Variants in EED observed in about 807,000 individuals in gnomAD.
EED encodes polycomb protein EED.
A neutral mutation model predicts 61.0 loss-of-function variants in EED; 9 were observed. That is an observed-to-expected ratio of 0.15 (90% CI 0.09 to 0.26). The LOEUF is 0.26. EED is among the 10% of genes least tolerant of loss of function. EED has a pLI of 1.00. For synonymous variants in EED, 187 were observed against 174.4 expected, an observed-to-expected ratio of 1.07 and a Z score of -0.57; for missense variants, 315 against 542.3, an observed-to-expected ratio of 0.58 and a Z score of 4.16.
chr11:86,264,166 T>C lies in EED; in HGVS notation c.635-6T>C, dbSNP rs1222737898. ...CATTCGCCTAATTTTTGTATGTTTA[T>C]ACTAGATCATGCTTTACGATTATGG... is the stretch of plus-strand genomic sequence containing the variant. On this transcript the variant is annotated splice_region_variant and splice_polypyrimidine_tract_variant and intron_variant, in intron 6 of 11. Transcript: ENST00000263360. The C allele has an allele frequency of 1.2e-6, 2 of 1,610,346 alleles. No homozygotes were observed. The highest frequency in any genetic ancestry group is 2.7e-5 in the African/African-American group (2 of 74,850).
intron 9 of EED, among the ~76,000 whole-genome samples, chr11:86,274,101 CTTTTTTTTT>C (rs375116812): frequency 7.2e-6 from 1 of 139,396 alleles, no homozygotes; most frequent in South Asian, 2.3e-4. Context: ...TGTCTTTTTT[CTTTTTTTTT>C]TTTTGTTCAG....
At chr11:86,261,413 T>G (rs1423413015) in intron 6 of EED, among the ~76,000 whole-genome samples, 1 of 152,210 alleles carries the variant, frequency 6.6e-6, no homozygotes, top group Non-Finnish European at 1.5e-5. Context: ...AGCCCCATCT[T>G]TATGGGTTTG....
At chr11:86,256,316 A>C (rs776135997) in intron 4 of EED, 71 bp from the exon 5 acceptor site, 205 of 1,381,174 alleles carry the variant, frequency 1.5e-4, no homozygotes, top group Non-Finnish European at 1.9e-4. Context: ...GTTCTTTATA[A>C]GTTTCTATTA....
intron 1 of EED, among the ~76,000 whole-genome samples, chr11:86,248,474 A>G (rs918963781): frequency 5.3e-5 from 8 of 152,204 alleles, no homozygotes; most frequent in African/African-American, 1.9e-4. Flanking sequence ...TTAAAAGGTA[A>G]TTTTACAGAA....
chr11:86,260,374 A>C (rs1380968011), intron 6 of EED, among the ~76,000 whole-genome samples: 1 of 147,990 alleles, frequency 6.8e-6, no homozygotes, highest in Non-Finnish European at 1.5e-5. Context: ...CTACATGTGC[A>C]CACCACCATG....
intron 6 of EED, chr11:86,263,838 C>A: frequency 5.3e-6 from 1 of 189,130 alleles, no homozygotes; most frequent in Admixed American, 6.1e-5. Context: ...GAATTTATAG[C>A]CTCAGGCCCT....
At position 86,276,977 on chromosome 11, in the gene EED, T is replaced by C. The variant is rs746254050; in HGVS notation, c.967-3T>C. ...CTTTTTCTCATTTCTCTCTCTGTTT[T>C]AGTCTTGTGAAAATGCCATTGTGTG... On this transcript the variant is annotated splice_region_variant and splice_polypyrimidine_tract_variant and intron_variant, in intron 9 of 11. Coordinates refer to ENST00000263360, the MANE Select transcript of EED (RefSeq NM_003797.5). The C allele has an allele frequency of 6.6e-7, 1 of 1,519,024 alleles. No individual in the cohort carries two copies. Among genetic ancestry groups the C allele is most frequent in the Non-Finnish European group, 8.9e-7 (1 of 1,122,614 alleles). The allele number at this position is 1,519,024 out of a possible 1,614,324, so 94.1% of individuals were successfully genotyped here.
chr11:86,251,661 C>G (rs1945534657), intron 2 of EED, among the ~76,000 whole-genome samples: 1 of 152,166 alleles, frequency 6.6e-6, no homozygotes, highest in African/African-American at 2.4e-5. Flanking sequence ...TATTCTCATT[C>G]TGACTAACAG....
intron 9 of EED, chr11:86,276,445 C>A (rs1206292230): frequency 1.3e-5 from 2 of 152,070 alleles, no homozygotes; most frequent in African/African-American, 2.4e-5. Flanking sequence ...ATCAACTTTC[C>A]TAAGATACCT....
Position 86,277,090 on chromosome 11 carries a change from C to T in EED, c.1077C>T (p.Ser359=). ...NVTILGRFDY[S]QCDIWYMRFS... is the part of the protein sequence containing the mutation. ...CTATTCTTGGGCGATTTGATTACAG[C>T]CAGTGTGACATTTGGTACATGAGGT... The change falls in exon 10 of 12, where the codon AGC becomes AGT. Residue 359 remains serine, a synonymous_variant. Transcript: ENST00000263360. The T allele has an allele frequency of 6.3e-7, 1 of 1,593,836 alleles. No individual in the cohort carries two copies. Among genetic ancestry groups the T allele is most frequent in the Non-Finnish European group, 8.6e-7 (1 of 1,166,514 alleles).
rs1053492309 is a variant in EED, at chr11:86,252,065, AAAG to A, written c.268-79_268-77del. ...AAAATAATGTATTGCATTTTGGAAA[AAAG>A]AAGGGGATAGGTTAGTTTACTGTCA... is the stretch of plus-strand genomic sequence containing the variant. On this transcript the variant is annotated intron_variant, in intron 2 of 11. Coordinates refer to ENST00000263360, the MANE Select transcript of EED (RefSeq NM_003797.5). 89 of 1,052,580 alleles carry A rather than the reference AAAG, an allele frequency of 8.5e-5. 1 individual carries two copies. In the Middle Eastern group the frequency reaches 1.3e-3, roughly 16 times the overall value. The allele number at this position is 1,052,580 out of a possible 1,614,324, so 65.2% of individuals were successfully genotyped here. A position where few individuals can be genotyped will look rare whatever the true frequency, so the allele number is the denominator to read the frequency against.
At chr11:86,263,610 G>A (rs142047605) in intron 6 of EED, among the ~76,000 whole-genome samples, 2 of 152,230 alleles carry the variant, frequency 1.3e-5, no homozygotes, top group East Asian at 3.9e-4. Context: ...CAAACTCCTG[G>A]GCTTAAGCAG....
intron 1 of EED, among the ~76,000 whole-genome samples, chr11:86,246,466 A>G (rs112314869): frequency 8.5e-5 from 13 of 152,232 alleles, no homozygotes; most frequent in Non-Finnish European, 1.6e-4. Flanking sequence ...CATAATTCCT[A>G]GCTGAAACAT....
At chr11:86,252,744 A>G (rs1330816498) in intron 3 of EED, among the ~76,000 whole-genome samples, 1 of 151,174 alleles carries the variant, frequency 6.6e-6, no homozygotes, top group Non-Finnish European at 1.5e-5. Context: ...TTTGGTGGTG[A>G]TTGTTGTTGT....
chr11:86,258,299 G>A (rs1249350384), intron 6 of EED, among the ~76,000 whole-genome samples: 1 of 151,996 alleles, frequency 6.6e-6, no homozygotes, highest in Non-Finnish European at 1.5e-5. Context: ...TTTTAAAAAA[G>A]CTTTTGTTTT....
downstream of EED, among the ~76,000 whole-genome samples, chr11:86,283,267 T>C (rs1440054080): frequency 6.6e-6 from 1 of 151,940 alleles, no homozygotes; most frequent in Non-Finnish European, 1.5e-5. Context: ...GTTGAAACAA[T>C]AAAAAATAAA....
At chr11:86,250,736 T>C (rs1214766492) in intron 2 of EED, among the ~76,000 whole-genome samples, 1 of 152,156 alleles carries the variant, frequency 6.6e-6, no homozygotes, top group African/African-American at 2.4e-5. Context: ...TGGGTAACTA[T>C]TACTCTTTAT....
intron 2 of EED, among the ~76,000 whole-genome samples, chr11:86,251,475 G>A (rs1280745818): frequency 6.6e-6 from 1 of 152,156 alleles, no homozygotes; most frequent in African/African-American, 2.4e-5. Context: ...TGAAAACAGT[G>A]CCTTAAACTG....
chr11:86,282,327 G>C (rs1350460865), downstream of EED, among the ~76,000 whole-genome samples: 1 of 152,186 alleles, frequency 6.6e-6, no homozygotes, highest in Non-Finnish European at 1.5e-5. Flanking sequence ...GTGTGTGTAA[G>C]TTTAAAGAAT....
Sources: allele counts gnomAD v4.1 joint callset (sites outside exome capture counted in the v4.1 genomes callset), GRCh38; gene constraint gnomAD v4.1.1; transcripts MANE v1.5; gene names NCBI Gene and HGNC (gene_info 2026-07-23, HGNC 2026-07-21).